The following CDC123 variants were observed in gnomAD, a reference collection of about 807,000 sequenced individuals.
CDC123 encodes the protein cell division cycle 123.
In CDC123, 37 loss-of-function variants were observed where a neutral mutation model predicts 54.4. That is an observed-to-expected ratio of 0.68 (90% CI 0.52 to 0.89). The LOEUF (loss-of-function observed/expected upper bound fraction) is 0.89, where lower values mean the gene tolerates loss of function less well. CDC123 is among the 40% of genes least tolerant of loss of function. The probability of loss-of-function intolerance (pLI) is 0.00; values close to 1 mark genes in which losing one functional copy is unlikely to be tolerated. For missense variants in CDC123, 361 were observed against 412.1 expected (o/e 0.88, Z 1.07); for synonymous variants, 144 against 136.8 (o/e 1.05, Z -0.37).
At chr10:12,200,797 G>T (rs755625159) in intron 2 of CDC123, among the ~76,000 whole-genome samples, 1 of 152,150 alleles carries the variant, frequency 6.6e-6, no homozygotes, top group African/African-American at 2.4e-5. Context: ...GCCGGGCATG[G>T]TGGTGGGCAC....
chr10:12,217,368 A>T lies in CDC123; in HGVS notation c.341A>T (p.Tyr114Phe). ...ATGTGCTTCATTCTTTAGGATGCGTATTGGATAGCAATGAATAGTTCTCTG... is the reference window on the plus strand; with the variant it reads ...ATGTGCTTCATTCTTTAGGATGCGTTTTGGATAGCAATGAATAGTTCTCTG... ...KLNWSAPRDA[Y>F]WIAMNSSLKC... The change falls in exon 6 of 13, where the codon TAT becomes TTT. Residue 114 changes from tyrosine (Y) to phenylalanine (F), a missense_variant. By Grantham distance (22) the Tyr-to-Phe change is conservative. Transcript: ENST00000281141. 6.2e-7 allele frequency: 1 copy of T among 1,612,884 alleles called. No individual in the cohort carries two copies.
chr10:12,218,020 C>T (rs10906100), intron 6 of CDC123, among the ~76,000 whole-genome samples: 39,481 of 151,896 alleles, frequency 0.26, 5,462 homozygotes, highest in East Asian at 0.54. Context: ...ACCCGGGAGG[C>T]GGAGTTTGTA....
intron 6 of CDC123, among the ~76,000 whole-genome samples, chr10:12,224,691 T>C (rs1407781685): frequency 2.0e-5 from 3 of 152,242 alleles, no homozygotes; most frequent in African/African-American, 4.8e-5. Context: ...TTTTGGTACT[T>C]TGTTGAAAAT....
At chr10:12,203,682 T>C (rs1474349551) in intron 2 of CDC123, among the ~76,000 whole-genome samples, 1 of 152,182 alleles carries the variant, frequency 6.6e-6, no homozygotes, top group African/African-American at 2.4e-5. Context: ...GGCACCAAGC[T>C]TGATACTAGC....
At chr10:12,233,355 A>C (rs1372515315) in intron 7 of CDC123, among the ~76,000 whole-genome samples, 1 of 151,946 alleles carries the variant, frequency 6.6e-6, no homozygotes, top group Non-Finnish European at 1.5e-5. Flanking sequence ...TTCATAGGAT[A>C]AATCTGGAAA....
intron 6 of CDC123, among the ~76,000 whole-genome samples, chr10:12,229,869 T>A (rs908552053): frequency 1.3e-5 from 2 of 152,210 alleles, no homozygotes; most frequent in Non-Finnish European, 2.9e-5. Flanking sequence ...AAGGATTCAG[T>A]TAACTGTGTG....
At chr10:12,243,346 C>A (rs111610017) in intron 10 of CDC123, among the ~76,000 whole-genome samples, 1 of 144,134 alleles carries the variant, frequency 6.9e-6, no homozygotes, top group African/African-American at 2.6e-5. Context: ...TGCAGTGAGC[C>A]GAGATCTCAC....
At chr10:12,226,477 G>A (rs187013890) in intron 6 of CDC123, among the ~76,000 whole-genome samples, 2,822 of 151,438 alleles carry the variant, frequency 0.019, 87 homozygotes, top group African/African-American at 0.063. Context: ...GCTGCTGGGC[G>A]GAGGGGCTCC....
At chr10:12,226,360 C>CCCCACCTCCCT (rs1180284675) in intron 6 of CDC123, among the ~76,000 whole-genome samples, 1 of 151,180 alleles carries the variant, frequency 6.6e-6, no homozygotes, top group Non-Finnish European at 1.5e-5. Context: ...GGGGGCTGCC[C>CCCCACCTCCCT]CCCACCTCCC....
chr10:12,206,761 A>G (rs1300715285), intron 2 of CDC123, among the ~76,000 whole-genome samples: 2 of 152,160 alleles, frequency 1.3e-5, no homozygotes, highest in Non-Finnish European at 2.9e-5. Context: ...GATCGAGACC[A>G]TCCTGGCCAA....
chr10:12,227,293 G>A (rs1259804779), intron 6 of CDC123, among the ~76,000 whole-genome samples: 1 of 145,070 alleles, frequency 6.9e-6, no homozygotes, highest in African/African-American at 2.5e-5. Flanking sequence ...GGGGGAGGGG[G>A]AGGGGGAGGG....
intron 6 of CDC123, among the ~76,000 whole-genome samples, chr10:12,227,422 T>A (rs1394513399): frequency 6.6e-6 from 1 of 152,212 alleles, no homozygotes; most frequent in Non-Finnish European, 1.5e-5. Flanking sequence ...TTTCCTTTTC[T>A]CCTTATGTAG....
intron 6 of CDC123, among the ~76,000 whole-genome samples, chr10:12,225,746 C>CTTTTTTTT (rs60404885): frequency 2.8e-4 from 19 of 66,954 alleles, no homozygotes; most frequent in South Asian, 8.9e-4. Flanking sequence ...TAGCTTCTCT[C>CTTTTTTTT]TTTTTTTTTT....
chr10:12,221,680 A>AT (rs1390809635), intron 6 of CDC123, among the ~76,000 whole-genome samples: 3 of 150,962 alleles, frequency 2.0e-5, no homozygotes, highest in Non-Finnish European at 3.0e-5. Flanking sequence ...ACATCGTAAG[A>AT]TTTTTTTTGA....
At position 12,249,692 on chromosome 10, in the gene CDC123, C is replaced by T. The variant is rs775160022; in HGVS notation, c.958C>T (p.His320Tyr). 6.2e-7 allele frequency: 1 copy of T among 1,613,560 alleles called. No homozygotes were observed. The highest frequency in any genetic ancestry group is 8.5e-7 in the Non-Finnish European group (1 of 1,179,898). The change falls in exon 12 of 13, where the codon CAC (histidine) becomes TAC (tyrosine). Residue 320 changes from histidine (H) to tyrosine (Y), a missense_variant. His to Tyr is a moderately conservative substitution (Grantham distance 83, BLOSUM62 2). Transcript: ENST00000281141. The part of the protein sequence containing the change: ...FVDLSTGEDA[H>Y]KLIDFLKLKR... ...AGACCTCTCTACTGGGGAGGACGCT[C>T]ACAAGCTAATAGACTTCCTTAAGCT... is the stretch of plus-strand genomic sequence containing the variant.
chr10:12,205,485 A>T (rs1004344321), intron 2 of CDC123, among the ~76,000 whole-genome samples: 2 of 152,228 alleles, frequency 1.3e-5, no homozygotes, highest in Non-Finnish European at 2.9e-5. Flanking sequence ...TGGATATAGG[A>T]TCCTCAACCA....
intron 2 of CDC123, among the ~76,000 whole-genome samples, chr10:12,209,575 T>C (rs1835568188): frequency 6.6e-6 from 1 of 151,948 alleles, no homozygotes; most frequent in South Asian, 2.1e-4. Context: ...ATTTATTTAT[T>C]TTTGAGACAG....
chr10:12,239,756 C>T (rs1187854636), intron 10 of CDC123, among the ~76,000 whole-genome samples: 3 of 150,978 alleles, frequency 2.0e-5, no homozygotes, highest in Non-Finnish European at 4.4e-5. Context: ...CACCTGTAAT[C>T]CCAGCACTTT....
chr10:12,196,367 G>A (rs113790347), intron 1 of CDC123, 48 bp downstream of exon 1: 1 of 1,612,464 alleles, frequency 6.2e-7, no homozygotes, highest in Admixed American at 1.7e-5. Flanking sequence ...AGGGAACTGC[G>A]ACTTCTGAGC....
Sources: gnomAD v4.1 joint callset for allele counts (sites outside exome capture counted in the v4.1 genomes callset) on GRCh38, gnomAD v4.1.1 for gene constraint, MANE v1.5 for transcripts, NCBI Gene and HGNC (gene_info 2026-07-23, HGNC 2026-07-21) for gene names.